The following ESR1 variants were observed in gnomAD, a reference collection of about 807,000 sequenced individuals.
The protein encoded by ESR1 is estrogen receptor 1, also known as estrogen receptor.
A neutral mutation model predicts 52.7 loss-of-function variants in ESR1; 12 were observed. The ratio of observed to expected loss-of-function variants is 0.23; its 90% CI spans 0.15 to 0.37. ESR1 has a LOEUF of 0.37. Ranked by LOEUF, ESR1 falls within the 10% of genes least tolerant of loss-of-function variation. The probability of loss-of-function intolerance (pLI) is 1.00; values close to 1 mark genes in which losing one functional copy is unlikely to be tolerated. For missense variants in ESR1, 584 were observed against 779.7 expected, an observed-to-expected ratio of 0.75 and a Z score of 2.99; for synonymous variants, 305 against 316.8, an observed-to-expected ratio of 0.96 and a Z score of 0.39.
At chr6:151,947,460 A>G (rs781479546) in intron 4 of ESR1, among the ~76,000 whole-genome samples, 1 of 152,252 alleles carries the variant, frequency 6.6e-6, no homozygotes, top group African/African-American at 2.4e-5. Flanking sequence ...ACCTATCAAT[A>G]TAACAAAAAC....
intron 2 of ESR1, among the ~76,000 whole-genome samples, chr6:151,709,523 G>A (rs1204451687): frequency 6.6e-6 from 1 of 152,060 alleles, no homozygotes; most frequent in African/African-American, 2.4e-5. Flanking sequence ...TGAGTCATTC[G>A]GTAATTGTAT....
At chr6:152,049,746 G>A (rs1487484474) in intron 5 of ESR1, among the ~76,000 whole-genome samples, 1 of 152,200 alleles carries the variant, frequency 6.6e-6, no homozygotes, top group Non-Finnish European at 1.5e-5. Flanking sequence ...TGCCAGGGAT[G>A]TGATTAGAGG....
chr6:151,770,180 T>C (rs1489530405), intron 2 of ESR1, among the ~76,000 whole-genome samples: 1 of 152,210 alleles, frequency 6.6e-6, no homozygotes, highest in Admixed American at 6.5e-5. Flanking sequence ...TGAATCTAAA[T>C]TATGTGTTGA....
intron 1 of ESR1, among the ~76,000 whole-genome samples, chr6:151,824,907 C>T (rs754619982): frequency 4.1e-5 from 6 of 147,282 alleles, no homozygotes; most frequent in Non-Finnish European, 5.9e-5. Flanking sequence ...GGCAACAGAG[C>T]GAGACTCCAT....
chr6:151,889,595 T>A (rs1420798289), intron 3 of ESR1, among the ~76,000 whole-genome samples: 2 of 152,196 alleles, frequency 1.3e-5, no homozygotes, highest in African/African-American at 4.8e-5. Flanking sequence ...TTTATCTTTT[T>A]AAAAACAAAT....
At chr6:151,671,784 G>T (rs1466801523) in intron 1 of ESR1, among the ~76,000 whole-genome samples, 1 of 152,020 alleles carries the variant, frequency 6.6e-6, no homozygotes, top group Non-Finnish European at 1.5e-5. Flanking sequence ...CTGAGGTCAG[G>T]AGTTCAAGAT....
intron 5 of ESR1, among the ~76,000 whole-genome samples, chr6:152,048,057 T>C (rs1171201809): frequency 1.3e-5 from 2 of 151,054 alleles, no homozygotes; most frequent in Non-Finnish European, 2.9e-5. Flanking sequence ...TAATTGCTAG[T>C]TATTTAGTTT....
chr6:152,048,077 T>C (rs1584996458), intron 5 of ESR1, among the ~76,000 whole-genome samples: 1 of 150,922 alleles, frequency 6.6e-6, no homozygotes, highest in Non-Finnish European at 1.5e-5. Context: ...TGAGATTAAA[T>C]GTCACTCCCT....
intron 2 of ESR1, among the ~76,000 whole-genome samples, chr6:151,721,170 A>G (rs1781428491): frequency 6.6e-6 from 1 of 152,214 alleles, no homozygotes; most frequent in African/African-American, 2.4e-5. Flanking sequence ...TGAATTTTAA[A>G]GGATTCATAG....
Position 152,094,257 on chromosome 6 carries a change from A to G in ESR1, c.1370-128A>G, listed in dbSNP as rs2050435702. The G allele has an allele frequency of 8.4e-6, 7 of 836,452 alleles. No individual in the cohort carries two copies. Among genetic ancestry groups the G allele is most frequent in the South Asian group, 2.7e-5 (2 of 74,822 alleles). The allele number at this position is 836,452 out of a possible 1,614,324, so 51.8% of individuals were successfully genotyped here. On this transcript the variant is annotated intron_variant, in intron 6 of 7. Coordinates refer to ENST00000206249, the MANE Select transcript of ESR1 (RefSeq NM_000125.4). This position sits in a 1 kb window ranked among gnomAD's most constrained non-coding sequence, Gnocchi z 4.6. Reference sequence around the variant, plus strand: ...ACCCGGTTTTAAATGGGTCCAGAGCATCCCCATTGCTAGACTACTGTGCTG... The same window carrying G: ...ACCCGGTTTTAAATGGGTCCAGAGCGTCCCCATTGCTAGACTACTGTGCTG...
chr6:152,109,097 C>T (rs1235371383), intron 6 of ESR1, among the ~76,000 whole-genome samples: 2 of 152,056 alleles, frequency 1.3e-5, no homozygotes, highest in Non-Finnish European at 2.9e-5. Context: ...TTTCAACAAC[C>T]AGATCTCACA....
At position 151,808,301 on chromosome 6, in the gene ESR1, A is replaced by G. The variant is rs1156385693; in HGVS notation, c.389A>G (p.Tyr130Cys). 4 of 1,573,610 alleles carry G rather than the reference A, an allele frequency of 2.5e-6. No homozygotes were observed. Among genetic ancestry groups the G allele is most frequent in the East Asian group, 2.3e-5 (1 of 44,002 alleles). The change falls in exon 1 of 8, where the codon TAC becomes TGC. Residue 130 changes from tyrosine (Y) to cysteine (C), a missense_variant. Tyr to Cys is a radical substitution (Grantham distance 194). Coordinates refer to ENST00000206249, the MANE Select transcript of ESR1 (RefSeq NM_000125.4). Reference protein sequence around the residue: ...FLQPHGQQVPYYLENEPSGYT... With the variant: ...FLQPHGQQVPCYLENEPSGYT... ...CAGCCCCACGGCCAGCAGGTGCCCT[A>G]CTACCTGGAGAACGAGCCCAGCGGC...
At chr6:152,000,917 C>A (rs890080833) in intron 4 of ESR1, among the ~76,000 whole-genome samples, 1 of 151,940 alleles carries the variant, frequency 6.6e-6, no homozygotes, top group Non-Finnish European at 1.5e-5. Flanking sequence ...ATTTGAGCCA[C>A]CCATTTTGTA....
At position 152,021,355 on chromosome 6, in the gene ESR1, G is replaced by A. The variant is rs201141318; in HGVS notation, c.1235+9561G>A. 2.0e-5 allele frequency among the ~76,000 whole-genome samples: 3 copies of A among 152,138 alleles called. No homozygotes were observed. In the East Asian group the frequency reaches 5.8e-4, roughly 29 times the overall value. ...CTCCTTGCTGCTCAGCTTGCAGACA[G>A]TCTATTGTGGGACCTTCCGATCATG... On this transcript the variant is annotated intron_variant, in intron 5 of 7. Transcript: ENST00000206249.
At chr6:151,661,713 G>A (rs1414708469) in intron 1 of ESR1, among the ~76,000 whole-genome samples, 3 of 152,176 alleles carry the variant, frequency 2.0e-5, no homozygotes, top group Non-Finnish European at 4.4e-5. Context: ...GCGACCTGAT[G>A]GGAAGTGATT....
chr6:151,985,231 C>T (rs534668075), intron 4 of ESR1, among the ~76,000 whole-genome samples: 36 of 151,912 alleles, frequency 2.4e-4, no homozygotes, highest in Non-Finnish European at 4.6e-4. Context: ...TCTGGCTGGG[C>T]GTGGTGGCTT....
rs761613029 is a variant in ESR1, at chr6:151,880,663, G to A, written c.652G>A (p.Asp218Asn). 6.9e-6 allele frequency: 11 copies of A among 1,591,678 alleles called. No homozygotes were observed. The highest frequency in any genetic ancestry group is 2.2e-5 in the East Asian group (1 of 44,782). ...FFKRSIQGHN[D>N]YMCPATNQCT... ...CCTCTTGCTTTTAATAGGACATAAC[G>A]ACTATATGTGTCCAGCCACCAACCA... The change falls in exon 3 of 8, where the codon GAC becomes AAC. Residue 218 changes from aspartate to asparagine, a missense_variant. This residue lies in a region of ESR1 where 25 missense variants were observed against 53.0 expected (regional missense o/e 0.47). Coordinates refer to ENST00000206249, the MANE Select transcript of ESR1 (RefSeq NM_000125.4).
chr6:151,863,133 A>G (rs1180635782), intron 2 of ESR1, among the ~76,000 whole-genome samples: 1 of 152,200 alleles, frequency 6.6e-6, no homozygotes, highest in African/African-American at 2.4e-5. Context: ...TGACTTGGCA[A>G]TGCGGGCTCT....
At chr6:151,933,494 G>T (rs376548684) in intron 3 of ESR1, among the ~76,000 whole-genome samples, 1 of 150,454 alleles carries the variant, frequency 6.6e-6, no homozygotes, top group African/African-American at 2.5e-5. Flanking sequence ...ACACTATGTT[G>T]AATAGGAGCG....
Sources: gnomAD v4.1 joint callset for allele counts (sites outside exome capture counted in the v4.1 genomes callset) on GRCh38, gnomAD v4.1.1 for gene constraint, gnomAD v4.1.1 regional missense constraint, Gnocchi (gnomAD v3.1) non-coding constraint, MANE v1.5 for transcripts, NCBI Gene and HGNC (gene_info 2026-07-23, HGNC 2026-07-21) for gene names.